The following TRPM1 variants were observed in gnomAD, a reference collection of about 807,000 sequenced individuals.
TRPM1 encodes transient receptor potential cation channel subfamily M member 1, also known as TRPM1-203 APA Isoform, Intron 10.
In TRPM1, 113 loss-of-function variants were observed where a neutral mutation model predicts 149.4. The observed-to-expected ratio is 0.76, with a 90% CI of 0.65 to 0.88. The LOEUF (loss-of-function observed/expected upper bound fraction) is 0.88. Among genes scored for constraint, TRPM1 ranks in the 40% least tolerant of loss-of-function variants. The pLI, the probability that TRPM1 is intolerant of heterozygous loss-of-function variation, is 0.00. For missense variants in TRPM1, 1,976 were observed against 2,038.7 expected, an observed-to-expected ratio of 0.97 and a Z score of 0.59; for synonymous variants, 741 against 759.5, an observed-to-expected ratio of 0.98 and a Z score of 0.40.
intron 1 of TRPM1, among the ~76,000 whole-genome samples, chr15:31,109,889 G>A (rs536844599): frequency 6.6e-6 from 1 of 152,288 alleles, no homozygotes; most frequent in Admixed American, 6.5e-5. Context: ...GGCAAAGAAA[G>A]AGGACAATAA....
chr15:31,089,145 C>T (rs1164461723), intron 1 of TRPM1, among the ~76,000 whole-genome samples: 4 of 152,202 alleles, frequency 2.6e-5, no homozygotes, highest in Non-Finnish European at 5.9e-5. Context: ...TGAAGACAGG[C>T]TGCTGCTGTT....
chr15:31,113,167 A>T (rs1444971369), intron 1 of TRPM1, among the ~76,000 whole-genome samples: 2 of 151,656 alleles, frequency 1.3e-5, no homozygotes, highest in African/African-American at 4.8e-5. Flanking sequence ...CCCCTTCAAA[A>T]CTCACCACGG....
At chr15:31,091,448 C>T (rs1393310237) in intron 1 of TRPM1, among the ~76,000 whole-genome samples, 2 of 152,228 alleles carry the variant, frequency 1.3e-5, no homozygotes, top group Admixed American at 6.5e-5. Context: ...TCAGCACCAC[C>T]TGTTTAGCAG....
Position 31,109,155 on chromosome 15 carries a change from A to G in TRPM1, c.55-32171T>C, listed in dbSNP as rs72712260. 6.2e-3 allele frequency among the ~76,000 whole-genome samples: 939 copies of G among 152,102 alleles called. 6 individuals are homozygous for G. The highest frequency in any genetic ancestry group is 0.017 in the Middle Eastern group (5 of 294). On this transcript the variant is annotated intron_variant, in intron 1 of 26. Transcript: ENST00000542188. ...ACACGCAAGAGGAAAGCATAAAGGG[A>G]GAGGGAGCTTTCAAAAGAAAGGGGA...
At chr15:31,092,284 G>A (rs2035260209) in intron 1 of TRPM1, among the ~76,000 whole-genome samples, 1 of 152,088 alleles carries the variant, frequency 6.6e-6, no homozygotes, top group Non-Finnish European at 1.5e-5. Context: ...GAATAAAGGT[G>A]TGGTGTCGGT....
At chr15:31,026,814 T>G in intron 26 of TRPM1, 101 bp downstream of exon 26, 1 of 1,276,674 alleles carries the variant, frequency 7.8e-7, no homozygotes, top group Non-Finnish European at 1.1e-6. Context: ...TGTGGTGCTT[T>G]TCACACGAGC....
intron 1 of TRPM1, among the ~76,000 whole-genome samples, chr15:31,149,426 A>G (rs983387127): frequency 6.6e-6 from 1 of 152,016 alleles, no homozygotes; most frequent in Non-Finnish European, 1.5e-5. Flanking sequence ...ATGCATAGGA[A>G]CCAAAGGCTG....
chr15:31,141,739 G>A (rs758908061), intron 1 of TRPM1, among the ~76,000 whole-genome samples: 2 of 152,228 alleles, frequency 1.3e-5, no homozygotes, highest in Non-Finnish European at 2.9e-5. Context: ...TAAGCAAGTT[G>A]TAGAAGATTT....
chr15:31,068,908 A>G (rs996022003), intron 4 of TRPM1, among the ~76,000 whole-genome samples: 2 of 152,196 alleles, frequency 1.3e-5, no homozygotes, highest in African/African-American at 2.4e-5. Flanking sequence ...GACTCTAGAA[A>G]TGTGAGCAAT....
chr15:31,050,229 G>A (rs528065198), intron 12 of TRPM1, among the ~76,000 whole-genome samples, 180 bp downstream of exon 12: 1 of 152,282 alleles, frequency 6.6e-6, no homozygotes, highest in South Asian at 2.1e-4. Flanking sequence ...TTGGACAACC[G>A]ACAGGCTCAT....
intron 1 of TRPM1, among the ~76,000 whole-genome samples, chr15:31,099,543 T>C (rs1032977606): frequency 1.2e-4 from 19 of 152,328 alleles, no homozygotes; most frequent in Middle Eastern, 3.4e-3. Flanking sequence ...TTTCACTTAG[T>C]TCAGAATGAA....
At chr15:31,114,862 C>CA (rs1255516656) in intron 1 of TRPM1, among the ~76,000 whole-genome samples, 2 of 151,994 alleles carry the variant, frequency 1.3e-5, no homozygotes, top group Non-Finnish European at 2.9e-5. Context: ...AAGCATAGCA[C>CA]AAAAAAGAGT....
At chr15:31,086,433 G>C (rs2035001457) in intron 1 of TRPM1, among the ~76,000 whole-genome samples, 1 of 152,262 alleles carries the variant, frequency 6.6e-6, no homozygotes, top group South Asian at 2.1e-4. Flanking sequence ...TTGCAGATGT[G>C]TGCAGCCCCC....
chr15:31,037,215 G>A (rs1220306578), intron 20 of TRPM1, among the ~76,000 whole-genome samples: 1 of 152,256 alleles, frequency 6.6e-6, no homozygotes, highest in Non-Finnish European at 1.5e-5. Flanking sequence ...CTGGAGGATG[G>A]CTTGCCAGCC....
intron 11 of TRPM1, among the ~76,000 whole-genome samples, chr15:31,052,360 ATGGTGC>A (rs2033968686): frequency 6.6e-6 from 1 of 152,202 alleles, no homozygotes; most frequent in African/African-American, 2.4e-5. Context: ...CATCCAACAA[ATGGTGC>A]TGGGAAAACT....
In TRPM1 at chr15:31,067,045, T is replaced by C; in HGVS notation, c.618+18A>G. 6.2e-7 allele frequency: 1 copy of C among 1,614,174 alleles called. No homozygotes were observed. Among genetic ancestry groups the C allele is most frequent in the East Asian group, 2.2e-5 (1 of 44,878 alleles). Reference sequence around the variant, plus strand: ...TTAATTTTAAAAAACTGCCAACATTTGCAGAGAAAACACTTACATCCTTTC... The same window carrying C: ...TTAATTTTAAAAAACTGCCAACATTCGCAGAGAAAACACTTACATCCTTTC... On this transcript the variant is annotated intron_variant, in intron 6 of 27. Coordinates refer to ENST00000256552, the MANE Select transcript of TRPM1 (RefSeq NM_001252024.2).
chr15:31,102,691 G>A (rs371898494), upstream of TRPM1, among the ~76,000 whole-genome samples: 228 of 152,330 alleles, frequency 1.5e-3, 5 homozygotes, highest in South Asian at 0.046. Flanking sequence ...GGGGCTCAGG[G>A]AATCTCTGAA....
intron 1 of TRPM1, among the ~76,000 whole-genome samples, chr15:31,142,274 C>A (rs2036171844): frequency 6.6e-6 from 1 of 152,078 alleles, no homozygotes; most frequent in Non-Finnish European, 1.5e-5. Flanking sequence ...ACATAACAAA[C>A]CTTACCTTTG....
intron 27 of TRPM1, among the ~76,000 whole-genome samples, chr15:31,015,240 C>A (rs1385955767): frequency 2.7e-5 from 4 of 150,916 alleles, no homozygotes; most frequent in Admixed American, 2.6e-4. Flanking sequence ...AACCCCATCT[C>A]TACTAAAAAA....
Sources: gnomAD v4.1 joint callset for allele counts (sites outside exome capture counted in the v4.1 genomes callset) on GRCh38, gnomAD v4.1.1 for gene constraint, MANE v1.5 for transcripts, NCBI Gene and HGNC (gene_info 2026-07-23, HGNC 2026-07-21) for gene names.